Variants in BMPR1B observed in about 807,000 individuals in gnomAD.
The protein encoded by BMPR1B is bone morphogenetic protein receptor type 1B.
A neutral mutation model predicts 59.1 loss-of-function variants in BMPR1B; 12 were observed. The ratio of observed to expected loss-of-function variants is 0.20; its 90% CI spans 0.13 to 0.33. BMPR1B has a LOEUF of 0.33. Ranked by LOEUF, BMPR1B falls within the 10% of genes least tolerant of loss-of-function variation. The pLI is 1.00. For missense variants in BMPR1B, 550 were observed against 610.9 expected (o/e 0.90, Z 1.05); for synonymous variants, 237 against 207.3 (o/e 1.14, Z -1.23).
intron 1 of BMPR1B, among the ~76,000 whole-genome samples, chr4:94,815,289 T>C (rs1560497932): frequency 6.6e-6 from 1 of 152,230 alleles, no homozygotes; most frequent in Non-Finnish European, 1.5e-5. Flanking sequence ...ATAGTTGTAA[T>C]GATTATACAT....
chr4:94,809,708 C>T (rs1486242010), intron 1 of BMPR1B, among the ~76,000 whole-genome samples: 3 of 152,232 alleles, frequency 2.0e-5, no homozygotes, highest in Non-Finnish European at 4.4e-5. Flanking sequence ...ATTTGTTTCA[C>T]TCTTCAGAAA....
chr4:95,035,968 G>C (rs770336762), intron 3 of BMPR1B, among the ~76,000 whole-genome samples: 15 of 152,018 alleles, frequency 9.9e-5, no homozygotes, highest in Non-Finnish European at 1.5e-4. Context: ...GCAGAGTTTT[G>C]TGGTTTTCCT....
intron 10 of BMPR1B, among the ~76,000 whole-genome samples, chr4:95,146,632 A>G (rs1251359251): frequency 2.0e-5 from 3 of 152,162 alleles, no homozygotes; most frequent in Non-Finnish European, 2.9e-5. Context: ...GTCTTTAACC[A>G]TCTTCTTTTC....
chr4:95,058,160 T>C (rs904264393), intron 3 of BMPR1B, among the ~76,000 whole-genome samples: 9 of 152,212 alleles, frequency 5.9e-5, no homozygotes, highest in Non-Finnish European at 7.3e-5. Context: ...GAACATCTCA[T>C]AAATTTTGCA....
chr4:94,968,251 GCCTCCTGTCTT>G (rs1439696652), intron 2 of BMPR1B, among the ~76,000 whole-genome samples: 1 of 152,142 alleles, frequency 6.6e-6, no homozygotes, highest in Non-Finnish European at 1.5e-5. Context: ...GGCTGCATCT[GCCTCCTGTCTT>G]CCTCACTCTT....
chr4:94,931,981 T>A lies in BMPR1B; in HGVS notation c.-113+56081T>A, dbSNP rs377014853. On this transcript the variant is annotated intron_variant, in intron 2 of 12. Transcript: ENST00000515059. ...TAAGAGCAAGGGAAAAGGTTGATGT[T>A]CTTTCCACTGTCATGGTGTTCGCAT... 1.8e-4 allele frequency among the ~76,000 whole-genome samples: 27 copies of A among 152,260 alleles called. No homozygotes were observed. The South Asian group carries it at 4.4e-3, about 25-fold the overall frequency.
intron 3 of BMPR1B, among the ~76,000 whole-genome samples, chr4:95,033,375 CA>C (rs1325225427): frequency 6.6e-6 from 1 of 151,766 alleles, no homozygotes; most frequent in East Asian, 1.9e-4. Flanking sequence ...AGTGCAATGT[CA>C]TGAAGCTTTG....
chr4:94,813,393 A>G (rs1453865272), intron 1 of BMPR1B, among the ~76,000 whole-genome samples: 1 of 152,120 alleles, frequency 6.6e-6, no homozygotes, highest in Admixed American at 6.5e-5. Context: ...GTGGATTCCT[A>G]GGGGAAGGAA....
chr4:94,946,615 T>C (rs1450782153), intron 2 of BMPR1B, among the ~76,000 whole-genome samples: 1 of 152,232 alleles, frequency 6.6e-6, no homozygotes, highest in African/African-American at 2.4e-5. Context: ...AATTATTATT[T>C]CACTTTTAGA....
In BMPR1B at chr4:95,130,057, G is replaced by A. The variant is rs1389028494; in HGVS notation, c.778+3G>A. ...GATGAGGCATGAAAACATTTTGGGTGAGTAAAAGTCTGCATAGCTATGTTC... is the reference window on the plus strand; with the variant it reads ...GATGAGGCATGAAAACATTTTGGGTAAGTAAAAGTCTGCATAGCTATGTTC... On this transcript the variant is annotated splice_donor_region_variant and intron_variant, in intron 9 of 12. Coordinates refer to ENST00000515059, the MANE Select transcript of BMPR1B (RefSeq NM_001203.3). 2 of 1,613,486 alleles carry A rather than the reference G, an allele frequency of 1.2e-6. No individual in the cohort carries two copies. The highest frequency in any genetic ancestry group is 1.7e-6 in the Non-Finnish European group (2 of 1,179,542).
intron 2 of BMPR1B, among the ~76,000 whole-genome samples, chr4:94,936,424 C>A (rs868632581): frequency 6.6e-6 from 1 of 152,070 alleles, no homozygotes; most frequent in South Asian, 2.1e-4. Flanking sequence ...AATTTTTGTA[C>A]CCATTGTCGA....
At chr4:94,954,995 T>C (rs1398403436) in intron 2 of BMPR1B, among the ~76,000 whole-genome samples, 1 of 152,194 alleles carries the variant, frequency 6.6e-6, no homozygotes, top group Non-Finnish European at 1.5e-5. Flanking sequence ...ATACTTTTAA[T>C]CTTTCCATCA....
intron 10 of BMPR1B, among the ~76,000 whole-genome samples, chr4:95,141,919 C>T (rs1734258154): frequency 6.6e-6 from 1 of 152,134 alleles, no homozygotes. Context: ...TACTGAATTT[C>T]TTGAGTCTTG....
At chr4:94,886,913 AAAAG>A in intron 2 of BMPR1B, among the ~76,000 whole-genome samples, 1 of 152,270 alleles carries the variant, frequency 6.6e-6, no homozygotes, top group East Asian at 1.9e-4. Flanking sequence ...AAAATACCGA[AAAAG>A]AAACTGGGAA....
intron 1 of BMPR1B, among the ~76,000 whole-genome samples, chr4:94,800,447 ATTTT>A (rs71583665): frequency 1.7e-5 from 2 of 120,096 alleles, no homozygotes. Flanking sequence ...GGTCTTTACT[ATTTT>A]TTTTTTTTTT....
At chr4:95,008,745 A>G (rs1356190318) in intron 3 of BMPR1B, among the ~76,000 whole-genome samples, 1 of 152,208 alleles carries the variant, frequency 6.6e-6, no homozygotes, top group African/African-American at 2.4e-5. Flanking sequence ...TTGGTTTAGT[A>G]TATAGAATTT....
At chr4:95,061,024 A>G (rs946332023) in intron 3 of BMPR1B, among the ~76,000 whole-genome samples, 27 of 119,084 alleles carry the variant, frequency 2.3e-4, no homozygotes, top group Non-Finnish European at 4.5e-4. Flanking sequence ...TCGGAAGTAA[A>G]TAGGTAGTCT....
intron 3 of BMPR1B, among the ~76,000 whole-genome samples, chr4:95,042,759 G>T (rs911651388): frequency 6.6e-6 from 1 of 152,104 alleles, no homozygotes; most frequent in Non-Finnish European, 1.5e-5. Context: ...AACTACACTC[G>T]CCTTGCCTGA....
chr4:95,018,078 C>A (rs1013123318), intron 3 of BMPR1B, among the ~76,000 whole-genome samples: 28 of 151,924 alleles, frequency 1.8e-4, no homozygotes, highest in Admixed American at 1.8e-3. Flanking sequence ...TTAAGTAAAG[C>A]AAATTTTAAT....
Sources: gnomAD v4.1 joint callset for allele counts (sites outside exome capture counted in the v4.1 genomes callset) on GRCh38, gnomAD v4.1.1 for gene constraint, MANE v1.5 for transcripts, NCBI Gene and HGNC (gene_info 2026-07-23, HGNC 2026-07-21) for gene names.